The following GPCPD1 variants were observed in gnomAD, a reference collection of about 807,000 sequenced individuals.
GPCPD1 encodes glycerophosphocholine phosphodiesterase GPCPD1.
GPCPD1 carries 29 observed loss-of-function variants against 89.2 expected under a neutral mutation model. The ratio of observed to expected loss-of-function variants is 0.33; its 90% CI spans 0.24 to 0.44. The LOEUF (loss-of-function observed/expected upper bound fraction) is 0.44, where lower values mean the gene tolerates loss of function less well. Ranked by LOEUF, GPCPD1 falls within the 20% of genes least tolerant of loss-of-function variation. The probability of loss-of-function intolerance (pLI) is 1.00; values close to 1 mark genes in which losing one functional copy is unlikely to be tolerated. For synonymous variants in GPCPD1, 258 were observed against 266.3 expected (o/e 0.97, Z 0.30); for missense variants, 594 against 808.9 (o/e 0.73, Z 3.22).
At chr20:5,579,954 T>C (rs1486439730) in intron 7 of GPCPD1, 54 bp downstream of exon 7, 8 of 1,149,936 alleles carry the variant, frequency 7.0e-6, no homozygotes, top group African/African-American at 1.6e-5. Context: ...GAGTCTGAAA[T>C]CTACAGCACT....
chr20:5,572,512 T>C (rs1366160616), intron 11 of GPCPD1, among the ~76,000 whole-genome samples: 10 of 152,148 alleles, frequency 6.6e-5, no homozygotes, highest in Non-Finnish European at 1.3e-4. Context: ...AAGTACACCT[T>C]AGAATAGATG....
At chr20:5,570,017 G>A (rs558000560) in intron 12 of GPCPD1, 130 bp downstream of exon 12, 27 of 529,964 alleles carry the variant, frequency 5.1e-5, no homozygotes, top group African/African-American at 4.7e-4. Flanking sequence ...GGGAAGGACT[G>A]GCAGTAATTC....
chr20:5,595,155 AT>A (rs766590756), intron 3 of GPCPD1, among the ~76,000 whole-genome samples: 1 of 152,216 alleles, frequency 6.6e-6, no homozygotes, highest in African/African-American at 2.4e-5. Context: ...TGATTGTATC[AT>A]TTTTTAGCAA....
intron 3 of GPCPD1, among the ~76,000 whole-genome samples, chr20:5,594,577 CCA>C (rs1488933140): frequency 6.6e-6 from 1 of 152,132 alleles, no homozygotes; most frequent in Non-Finnish European, 1.5e-5. Flanking sequence ...CAGGCATGAG[CCA>C]CCAGGCCCGG....
chr20:5,599,667 G>C (rs1025296081), intron 2 of GPCPD1, among the ~76,000 whole-genome samples: 1 of 151,644 alleles, frequency 6.6e-6, no homozygotes, highest in Non-Finnish European at 1.5e-5. Context: ...CAATTCTCCT[G>C]CCTCAGCCTC....
intron 18 of GPCPD1, 52 bp downstream of exon 18, chr20:5,558,632 T>TC: frequency 1.8e-6 from 2 of 1,117,444 alleles, no homozygotes; most frequent in Non-Finnish European, 2.6e-6. Flanking sequence ...TTACTACTAC[T>TC]CCAAAATAGA....
At chr20:5,605,255 C>T (rs1218402328) in intron 1 of GPCPD1, among the ~76,000 whole-genome samples, 1 of 152,188 alleles carries the variant, frequency 6.6e-6, no homozygotes. Flanking sequence ...CATACTTTCT[C>T]TTCTGATAAG....
intron 6 of GPCPD1, among the ~76,000 whole-genome samples, chr20:5,583,820 A>G (rs1023297738): frequency 6.6e-5 from 10 of 152,360 alleles, no homozygotes; most frequent in African/African-American, 2.2e-4. Context: ...CAAACATAAA[A>G]GAGGTAAAAG....
chr20:5,594,507 T>C (rs1331041720), intron 3 of GPCPD1, among the ~76,000 whole-genome samples: 1 of 152,090 alleles, frequency 6.6e-6, no homozygotes, highest in Non-Finnish European at 1.5e-5. Flanking sequence ...TTAGCCAGGA[T>C]GGTTTCGATC....
At chr20:5,570,426 CAAAAAAAAAA>C (rs36030193) in intron 11 of GPCPD1, among the ~76,000 whole-genome samples, 187 bp from the exon 12 acceptor site, 3 of 86,046 alleles carry the variant, frequency 3.5e-5, no homozygotes, top group African/African-American at 8.8e-5. Context: ...TTTTTCCTGG[CAAAAAAAAAA>C]AAAAAAAAAA....
chr20:5,604,613 G>GC (rs1555810973), intron 1 of GPCPD1, among the ~76,000 whole-genome samples, 173 bp from the exon 2 acceptor site: 2 of 70,828 alleles, frequency 2.8e-5, no homozygotes, highest in Admixed American at 2.8e-4. Context: ...CTTTAGTGCG[G>GC]GGGGGGGGGG....
In GPCPD1 at chr20:5,567,707, T is replaced by C. The variant is rs1028439968; in HGVS notation, c.1150-147A>G. ...CAATGAGAATAACTGTTAGTAGCCA[T>C]ACTGAGCCCATGCAGGACAGCCCTT... On this transcript the variant is annotated intron_variant, in intron 12 of 19. Coordinates refer to ENST00000379019, the MANE Select transcript of GPCPD1 (RefSeq NM_019593.5). The C allele has an allele frequency of 9.5e-6, 7 of 738,714 alleles. No homozygotes were observed. In the East Asian group the frequency reaches 1.2e-4, roughly 13 times the overall value. 45.8% of individuals were successfully genotyped at this position (738,714 alleles called of 1,614,324 possible). A position where few individuals can be genotyped will look rare whatever the true frequency, so the allele number is the denominator to read the frequency against.
At chr20:5,550,616 A>AG (rs750899439) in intron 19 of GPCPD1, among the ~76,000 whole-genome samples, 1 of 152,242 alleles carries the variant, frequency 6.6e-6, no homozygotes, top group Non-Finnish European at 1.5e-5. Context: ...AACATAATCA[A>AG]GGTGGCTTCA....
chr20:5,578,495 T>C lies in GPCPD1; in HGVS notation c.590A>G (p.Lys197Arg). Residue 197 changes from lysine to arginine, a missense_variant, in exon 8 of 20, where the codon AAG (lysine) becomes AGG (arginine). By Grantham distance (26) the Lys-to-Arg change is conservative. Transcript: ENST00000379019. ...EISLISDNEF[K>R]CRHSQPECGY... is the part of the protein sequence containing the mutation. ...ACACTCCGGCTGTGAATGCCTGCACTTGAACTCATTGTCGCTTATTAAGGA... is the reference window on the plus strand; with the variant it reads ...ACACTCCGGCTGTGAATGCCTGCACCTGAACTCATTGTCGCTTATTAAGGA... The C allele has an allele frequency of 6.2e-7, 1 of 1,613,826 alleles. No individual in the cohort carries two copies. The highest frequency in any genetic ancestry group is 1.3e-5 in the African/African-American group (1 of 75,058).
chr20:5,564,015 A>C (rs959240784), intron 15 of GPCPD1, among the ~76,000 whole-genome samples: 3 of 152,074 alleles, frequency 2.0e-5, no homozygotes, highest in Non-Finnish European at 2.9e-5. Context: ...TTGCCTAAGA[A>C]ATCTACTATA....
intron 1 of GPCPD1, among the ~76,000 whole-genome samples, chr20:5,608,404 T>TC (rs1980737506): frequency 6.6e-6 from 1 of 151,968 alleles, no homozygotes; most frequent in Non-Finnish European, 1.5e-5. Flanking sequence ...AGCGCCCCCC[T>TC]CCCCAAATTT....
At chr20:5,580,226 T>A in intron 6 of GPCPD1, 95 bp from the exon 7 acceptor site, 1 of 621,878 alleles carries the variant, frequency 1.6e-6, no homozygotes, top group Non-Finnish European at 2.8e-6. Flanking sequence ...TAGTTCACAT[T>A]CACTTTTTTT....
intron 17 of GPCPD1, 99 bp from the exon 18 acceptor site, chr20:5,558,918 C>T (rs41282126): frequency 0.17 from 153,302 of 899,186 alleles, 13,498 homozygotes; most frequent in South Asian, 0.19. Context: ...AGAAAACAAA[C>T]GAGGCCGGGC....
intron 15 of GPCPD1, among the ~76,000 whole-genome samples, chr20:5,562,608 A>C (rs1256886637): frequency 6.6e-6 from 1 of 152,196 alleles, no homozygotes; most frequent in Non-Finnish European, 1.5e-5. Context: ...TCAAAATTTT[A>C]GGTATCAAAG....
Sources: gnomAD v4.1 joint callset for allele counts (sites outside exome capture counted in the v4.1 genomes callset) on GRCh38, gnomAD v4.1.1 for gene constraint, MANE v1.5 for transcripts, NCBI Gene and HGNC (gene_info 2026-07-23, HGNC 2026-07-21) for gene names.